The following PLS1 variants were observed in gnomAD, a reference collection of about 807,000 sequenced individuals.
The protein encoded by PLS1 is plastin-1.
Under a neutral mutation model 73.7 loss-of-function variants are expected in PLS1, and 32 were observed. That is an observed-to-expected ratio of 0.43 (90% CI 0.33 to 0.58). The LOEUF (loss-of-function observed/expected upper bound fraction) is 0.58. PLS1 is among the 20% of genes least tolerant of loss of function. PLS1 has a pLI of 0.04. For synonymous variants in PLS1, 217 were observed against 261.3 expected, an observed-to-expected ratio of 0.83 and a Z score of 1.63; for missense variants, 633 against 740.5, an observed-to-expected ratio of 0.85 and a Z score of 1.68.
In PLS1 at chr3:142,711,934, T is replaced by G; in HGVS notation, c.1817T>G (p.Val606Gly). Residue 606 changes from valine to glycine, a missense_variant, in exon 16 of 16, where the codon GTA becomes GGA. Coordinates refer to ENST00000457734, the MANE Select transcript of PLS1 (RefSeq NM_001145319.2). ...ATATATGCATTACCTGATGACCTCG[T>G]AGAAGTGAAACCAAAGATGGTTATG... Reference protein sequence around the residue: ...ARIYALPDDLVEVKPKMVMTV... With the variant: ...ARIYALPDDLGEVKPKMVMTV... 1 of 1,613,308 alleles carries G rather than the reference T, an allele frequency of 6.2e-7. No homozygotes were observed. Among genetic ancestry groups the G allele is most frequent in the Non-Finnish European group, 8.5e-7 (1 of 1,179,314 alleles).
chr3:142,601,664 C>G (rs1265641032), intron 1 of PLS1, among the ~76,000 whole-genome samples: 2 of 151,916 alleles, frequency 1.3e-5, no homozygotes, highest in African/African-American at 4.8e-5. Flanking sequence ...CAGGTGTGGA[C>G]CAACGTGCCC....
intron 1 of PLS1, among the ~76,000 whole-genome samples, chr3:142,610,453 C>CT (rs1307103704): frequency 6.6e-6 from 1 of 152,086 alleles, no homozygotes. Context: ...AATATAGCAG[C>CT]TTAAGACTTT....
At chr3:142,599,787 C>T (rs11718899) in intron 1 of PLS1, among the ~76,000 whole-genome samples, 51,176 of 151,848 alleles carry the variant, frequency 0.34, 9,129 homozygotes, top group Middle Eastern at 0.44. Flanking sequence ...CAGGGTCCCA[C>T]TCTGTCACCC....
At chr3:142,666,241 T>C (rs546450603) in intron 2 of PLS1, among the ~76,000 whole-genome samples, 5 of 152,280 alleles carry the variant, frequency 3.3e-5, no homozygotes, top group African/African-American at 9.6e-5. Context: ...TTTAGTACAT[T>C]CACATTGTTC....
At position 142,664,208 on chromosome 3, in the gene PLS1, A is replaced by G; in HGVS notation, c.-30A>G. 7.7e-7 allele frequency: 1 copy of G among 1,300,270 alleles called. No individual in the cohort carries two copies. The highest frequency in any genetic ancestry group is 1.1e-6 in the Non-Finnish European group (1 of 919,844). The allele number at this position is 1,300,270 out of a possible 1,614,324, so 80.5% of individuals were successfully genotyped here. A position where few individuals can be genotyped will look rare whatever the true frequency, so the allele number is the denominator to read the frequency against. The stretch of plus-strand genomic sequence containing the variant: ...ATAATATTGCTTTTTCTAGATATAA[A>G]GACCTGAAGATAGTCTTTTCTGTCC... On this transcript the variant is annotated 5_prime_UTR_variant, in exon 2 of 16. Coordinates refer to ENST00000457734, the MANE Select transcript of PLS1 (RefSeq NM_001145319.2).
rs559951806 is a variant in PLS1, at chr3:142,711,907, G to A, written c.1790G>A (p.Arg597Gln). Residue 597 changes from arginine to glutamine, a missense_variant, in exon 16 of 16, where the codon CGG (arginine) becomes CAG (glutamine). Transcript: ENST00000457734. ...AISVARKIGA[R>Q]IYALPDDLVE... is the part of the protein sequence containing the mutation. ...TCAGTTGCTCGAAAGATCGGTGCCC[G>A]GATATATGCATTACCTGATGACCTC... 85 of 1,613,412 alleles carry A rather than the reference G, an allele frequency of 5.3e-5. No homozygotes were observed. The South Asian group carries it at 6.8e-4, about 13-fold the overall frequency.
chr3:142,608,384 T>C (rs1056809953), intron 1 of PLS1, among the ~76,000 whole-genome samples: 3 of 152,192 alleles, frequency 2.0e-5, no homozygotes, highest in Non-Finnish European at 2.9e-5. Context: ...AAACATAAAG[T>C]TAATAGAAAT....
At chr3:142,685,287 G>A (rs928011528) in intron 8 of PLS1, among the ~76,000 whole-genome samples, 1 of 152,174 alleles carries the variant, frequency 6.6e-6, no homozygotes, top group Non-Finnish European at 1.5e-5. Context: ...ATGCCCAGGC[G>A]ATGCAAAGAC....
At chr3:142,608,281 C>T (rs1037569252) in intron 1 of PLS1, among the ~76,000 whole-genome samples, 2 of 152,216 alleles carry the variant, frequency 1.3e-5, no homozygotes, top group African/African-American at 4.8e-5. Context: ...TGGAGTTTAT[C>T]TTCATGACTG....
rs140151835 is a variant in PLS1 at position 142,704,539 on chromosome 3, C to G, written c.1582C>G (p.Gln528Glu). The G allele has an allele frequency of 6.9e-6, 11 of 1,592,894 alleles. No homozygotes were observed. Among genetic ancestry groups the G allele is most frequent in the Non-Finnish European group, 9.4e-6 (11 of 1,166,244 alleles). ...NDEIIIKWVNQTLKSANKKTS... is the reference protein window; with the variant it reads ...NDEIIIKWVNETLKSANKKTS... Reference sequence around the variant, plus strand: ...TGAAATTATAATTAAATGGGTCAATCAGACTCTTAAAAGTGCAAACAAAAA... The same window carrying G: ...TGAAATTATAATTAAATGGGTCAATGAGACTCTTAAAAGTGCAAACAAAAA... The change falls in exon 14 of 16, where the codon CAG (glutamine) becomes GAG (glutamate). Residue 528 changes from glutamine to glutamate, a missense_variant. Coordinates refer to ENST00000457734, the MANE Select transcript of PLS1 (RefSeq NM_001145319.2).
intron 1 of PLS1, among the ~76,000 whole-genome samples, chr3:142,629,794 A>G (rs1487683895): frequency 6.6e-6 from 1 of 152,168 alleles, no homozygotes; most frequent in African/African-American, 2.4e-5. Context: ...CACTATAGGA[A>G]TGTTAGACTT....
At chr3:142,604,982 C>T (rs2035993739) in intron 1 of PLS1, among the ~76,000 whole-genome samples, 1 of 151,560 alleles carries the variant, frequency 6.6e-6, no homozygotes, top group Non-Finnish European at 1.5e-5. Flanking sequence ...AAAAGGAAAT[C>T]TGAAAATCTC....
chr3:142,675,128 C>T (rs1239795853), intron 4 of PLS1, among the ~76,000 whole-genome samples: 1 of 152,186 alleles, frequency 6.6e-6, no homozygotes. Context: ...CTGTTGTAAG[C>T]TAAAAATCAC....
intron 1 of PLS1, among the ~76,000 whole-genome samples, chr3:142,634,518 T>G (rs2108595222): frequency 6.6e-6 from 1 of 152,336 alleles, no homozygotes; most frequent in South Asian, 2.1e-4. Context: ...TGTGGATTTG[T>G]CTATTTCTCA....
intron 1 of PLS1, among the ~76,000 whole-genome samples, chr3:142,614,982 A>G (rs1177011958): frequency 2.0e-5 from 3 of 152,060 alleles, no homozygotes; most frequent in African/African-American, 7.2e-5. Context: ...GCAGGGTGTC[A>G]TTTGAAAATT....
At chr3:142,598,006 A>T (rs2035842334) in intron 1 of PLS1, among the ~76,000 whole-genome samples, 1 of 152,098 alleles carries the variant, frequency 6.6e-6, no homozygotes, top group Non-Finnish European at 1.5e-5. Context: ...CTTTGCCCAA[A>T]ATGCCTGTTT....
In PLS1 at chr3:142,711,895, A is replaced by AGATCGGT. The variant is rs1381739981; in HGVS notation, c.1780_1786dup (p.Ala596AspfsTer10). 3.1e-6 allele frequency: 5 copies of AGATCGGT among 1,613,696 alleles called. No individual in the cohort carries two copies. Among genetic ancestry groups the AGATCGGT allele is most frequent in the Non-Finnish European group, 4.2e-6 (5 of 1,179,732 alleles). On this transcript the variant is annotated frameshift_variant, in exon 16 of 16. Transcript: ENST00000457734. LOFTEE classifies it high-confidence loss of function. ...AGATACGCCATTTCAGTTGCTCGAA[A>AGATCGGT]GATCGGTGCCCGGATATATGCATTA... is the stretch of plus-strand genomic sequence containing the variant.
At chr3:142,610,376 T>C (rs2036097647) in intron 1 of PLS1, among the ~76,000 whole-genome samples, 1 of 152,186 alleles carries the variant, frequency 6.6e-6, no homozygotes, top group Non-Finnish European at 1.5e-5. Flanking sequence ...TGTGACACTG[T>C]GGATATTGTC....
rs1246310207 is a variant in PLS1 at position 142,693,356 on chromosome 3, T to C, written c.1178-1113T>C. ...CTGTCTTTGGCACTCAATGTGAAGA[T>C]GACTGTTGCAATCGCTCTATACGAA... is the stretch of plus-strand genomic sequence containing the variant. On this transcript the variant is annotated intron_variant, in intron 10 of 15. Transcript: ENST00000457734. Among the ~76,000 whole-genome samples the C allele has an allele frequency of 2.6e-5, 4 of 152,204 alleles. No homozygotes were observed. The East Asian group carries it at 7.7e-4, about 29-fold the overall frequency.
Sources: allele counts gnomAD v4.1 joint callset (sites outside exome capture counted in the v4.1 genomes callset), GRCh38; gene constraint gnomAD v4.1.1; transcripts MANE v1.5; gene names NCBI Gene and HGNC (gene_info 2026-07-23, HGNC 2026-07-21).